NUDCD3: variants seen among roughly 807,000 people sequenced by gnomAD.
NUDCD3 encodes NudC domain containing 3, also known as nudC domain-containing protein 3.
A neutral mutation model predicts 39.7 loss-of-function variants in NUDCD3; 13 were observed. The ratio of observed to expected loss-of-function variants is 0.33; its 90% CI spans 0.21 to 0.52. NUDCD3 has a LOEUF of 0.52. NUDCD3 is among the 20% of genes least tolerant of loss of function. NUDCD3 has a pLI of 0.96. For missense variants in NUDCD3, 453 were observed against 458.1 expected (o/e 0.99, Z 0.10); for synonymous variants, 175 against 172.4 (o/e 1.02, Z -0.12).
chr7:44,410,952 G>A (rs1053279855), intron 3 of NUDCD3, among the ~76,000 whole-genome samples: 25 of 152,084 alleles, frequency 1.6e-4, no homozygotes, highest in African/African-American at 2.2e-4. Context: ...GCAACAGAGC[G>A]AGACTCTATC....
chr7:44,418,322 G>A (rs953802053), intron 3 of NUDCD3, among the ~76,000 whole-genome samples: 2 of 152,214 alleles, frequency 1.3e-5, no homozygotes, highest in Non-Finnish European at 2.9e-5. Flanking sequence ...AAATGCACAT[G>A]AGACGTGTTC....
chr7:44,449,158 A>G (rs1164435397), intron 2 of NUDCD3, among the ~76,000 whole-genome samples: 2 of 152,178 alleles, frequency 1.3e-5, no homozygotes, highest in Non-Finnish European at 2.9e-5. Context: ...CTGATTATAG[A>G]TATAATCTTG....
chr7:44,449,816 A>T (rs1424016314), intron 2 of NUDCD3, among the ~76,000 whole-genome samples: 1 of 151,868 alleles, frequency 6.6e-6, no homozygotes, highest in Non-Finnish European at 1.5e-5. Flanking sequence ...GAGTTAGGCC[A>T]AGATTTCCTA....
intron 2 of NUDCD3, among the ~76,000 whole-genome samples, 192 bp from the exon 3 acceptor site, chr7:44,427,895 A>G (rs1799269250): frequency 6.6e-6 from 1 of 152,010 alleles, no homozygotes; most frequent in African/African-American, 2.4e-5. Context: ...CCTACATGGT[A>G]CCCATGGAAA....
At chr7:44,480,138 TAA>T (rs1800456372) in intron 2 of NUDCD3, among the ~76,000 whole-genome samples, 1 of 152,236 alleles carries the variant, frequency 6.6e-6, no homozygotes, top group South Asian at 2.1e-4. Context: ...AAACTAACTC[TAA>T]TTCTAACCCA....
chr7:44,448,963 G>C (rs1320203496), intron 2 of NUDCD3, among the ~76,000 whole-genome samples: 1 of 152,172 alleles, frequency 6.6e-6, no homozygotes, highest in Non-Finnish European at 1.5e-5. Context: ...CCTAGAGAAA[G>C]GAGGTCAGGA....
chr7:44,398,662 C>T (rs1434900683), intron 4 of NUDCD3, among the ~76,000 whole-genome samples: 2 of 152,224 alleles, frequency 1.3e-5, no homozygotes, highest in East Asian at 3.9e-4. Context: ...TCCTTAGTAA[C>T]GGAACCTCAT....
At chr7:44,483,218 T>C (rs1800531514) in intron 2 of NUDCD3, among the ~76,000 whole-genome samples, 1 of 152,098 alleles carries the variant, frequency 6.6e-6, no homozygotes, top group African/African-American at 2.4e-5. Flanking sequence ...AGAATGGGGA[T>C]ATTTCACACA....
At chr7:44,446,977 C>A (rs1406713670) in intron 2 of NUDCD3, among the ~76,000 whole-genome samples, 1 of 152,192 alleles carries the variant, frequency 6.6e-6, no homozygotes, top group Non-Finnish European at 1.5e-5. Context: ...TTGGTAAGTA[C>A]AGCCACAATG....
At chr7:44,464,573 C>G (rs1786736908) in intron 2 of NUDCD3, among the ~76,000 whole-genome samples, 1 of 152,088 alleles carries the variant, frequency 6.6e-6, no homozygotes, top group Non-Finnish European at 1.5e-5. Flanking sequence ...CCCACCTCAG[C>G]CTCCTGAGTA....
intron 2 of NUDCD3, among the ~76,000 whole-genome samples, chr7:44,450,691 C>T (rs910554848): frequency 1.3e-5 from 2 of 151,932 alleles, no homozygotes; most frequent in African/African-American, 4.8e-5. Context: ...TCAACTGGAA[C>T]TGACACATGC....
intron 1 of NUDCD3, 111 bp downstream of exon 1, chr7:44,490,298 G>A (rs1800707307): frequency 1.9e-6 from 2 of 1,073,554 alleles, no homozygotes; most frequent in Admixed American, 6.1e-5. Context: ...CTCAACCCCA[G>A]GACACCAGGA....
chr7:44,384,207 G>C lies in NUDCD3; in HGVS notation c.*1804C>G, dbSNP rs1463832526. 3 of 152,304 alleles carry C rather than the reference G, an allele frequency of 2.0e-5. No homozygotes were observed. Among genetic ancestry groups the C allele is most frequent in the Non-Finnish European group, 2.9e-5 (2 of 68,120 alleles). 9.4% of individuals were successfully genotyped at this position (152,304 alleles called of 1,614,324 possible). ...TGGGGGCCAACTCGGGAACTATAGA[G>C]AAGAGAGGAGACACACACCACAAGA... On this transcript the variant is annotated 3_prime_UTR_variant, in exon 6 of 6. Coordinates refer to ENST00000355451, the MANE Select transcript of NUDCD3 (RefSeq NM_015332.4).
intron 3 of NUDCD3, among the ~76,000 whole-genome samples, chr7:44,408,193 T>C (rs533530674): frequency 6.6e-6 from 1 of 152,194 alleles, no homozygotes; most frequent in Admixed American, 6.5e-5. Context: ...AACTGAGAAA[T>C]AAGTGAAAAG....
At chr7:44,413,864 T>C (rs557634023) in intron 3 of NUDCD3, among the ~76,000 whole-genome samples, 39 of 152,216 alleles carry the variant, frequency 2.6e-4, no homozygotes, top group African/African-American at 9.1e-4. Flanking sequence ...ACCAGCTTCT[T>C]GAGCAACAAA....
At chr7:44,477,698 C>T (rs1800401964) in intron 2 of NUDCD3, among the ~76,000 whole-genome samples, 2 of 152,134 alleles carry the variant, frequency 1.3e-5, no homozygotes, top group South Asian at 2.1e-4. Context: ...GCAGACTTTG[C>T]GCCCCTCTCT....
intron 2 of NUDCD3, among the ~76,000 whole-genome samples, chr7:44,434,215 C>T (rs990242895): frequency 6.6e-6 from 1 of 152,194 alleles, no homozygotes; most frequent in African/African-American, 2.4e-5. Context: ...TCAAAAATGA[C>T]TCGATGCCTG....
Position 44,450,468 on chromosome 7 carries a change from G to A in NUDCD3, c.510-22765C>T, listed in dbSNP as rs142762706. On this transcript the variant is annotated intron_variant, in intron 2 of 5. Transcript: ENST00000355451. ...GCTGGGATGACAGGTGTGAGCCACT[G>A]CGCCCGGCCAAGAAATGTCTAAATT... 8.0e-3 allele frequency among the ~76,000 whole-genome samples: 1,220 copies of A among 151,830 alleles called. 17 individuals carry two copies. The highest frequency in any genetic ancestry group is 0.028 in the African/African-American group (1,162 of 41,414).
chr7:44,454,414 G>C (rs1428756919), intron 2 of NUDCD3, among the ~76,000 whole-genome samples: 2 of 152,138 alleles, frequency 1.3e-5, no homozygotes, highest in East Asian at 3.9e-4. Flanking sequence ...ATGATCTCCT[G>C]GTCTACCTTC....
Sources: allele counts gnomAD v4.1 joint callset (sites outside exome capture counted in the v4.1 genomes callset), GRCh38; gene constraint gnomAD v4.1.1; transcripts MANE v1.5; gene names NCBI Gene and HGNC (gene_info 2026-07-23, HGNC 2026-07-21).